The following MRPL13 variants were observed in gnomAD, a reference collection of about 807,000 sequenced individuals.
MRPL13 encodes large ribosomal subunit protein uL13m.
Under a neutral mutation model 29.0 loss-of-function variants are expected in MRPL13, and 33 were observed. The observed-to-expected ratio is 1.14, with a 90% CI of 0.86 to 1.52. MRPL13 has a LOEUF of 1.52. Ranked by LOEUF, MRPL13 falls within the 40% of genes most tolerant of loss-of-function variation. The pLI is 0.00. For missense variants in MRPL13, 227 were observed against 216.7 expected (o/e 1.05, Z -0.30); for synonymous variants, 77 against 68.4 (o/e 1.13, Z -0.62).
chr8:120,410,336 T>A (rs1812726149), intron 6 of MRPL13, among the ~76,000 whole-genome samples: 1 of 152,184 alleles, frequency 6.6e-6, no homozygotes, highest in Non-Finnish European at 1.5e-5. Flanking sequence ...AAAATTATAT[T>A]CTTGGCTTAG....
intron 2 of MRPL13, among the ~76,000 whole-genome samples, chr8:120,436,215 C>A (rs912680447): frequency 6.6e-6 from 1 of 152,094 alleles, no homozygotes; most frequent in African/African-American, 2.4e-5. Context: ...AACTGCTGTG[C>A]TATACAGTAA....
chr8:120,413,555 C>G (rs542517663), intron 6 of MRPL13, among the ~76,000 whole-genome samples: 1 of 152,210 alleles, frequency 6.6e-6, no homozygotes, highest in South Asian at 2.1e-4. Context: ...GGAAACTGTA[C>G]AGAGGAGAGC....
chr8:120,433,947 T>C (rs144339088), intron 2 of MRPL13, among the ~76,000 whole-genome samples: 8 of 152,238 alleles, frequency 5.3e-5, no homozygotes, highest in Admixed American at 5.2e-4. Context: ...AGAGATGTTC[T>C]GAAGAGAAAT....
chr8:120,419,770 C>T, intron 5 of MRPL13, 82 bp downstream of exon 5: 1 of 1,038,002 alleles, frequency 9.6e-7, no homozygotes, highest in Non-Finnish European at 1.3e-6. Flanking sequence ...GAAAATAAGT[C>T]TGTGGCATTT....
rs914125151 is a variant in MRPL13, at chr8:120,396,050, C to T, written c.*54G>A. Reference sequence around the variant, plus strand: ...CTCCATCCTGTAGGTTAGAGAAACTCATCAGAAGAAAGTTTCAATCACTTC... The same window carrying T: ...CTCCATCCTGTAGGTTAGAGAAACTTATCAGAAGAAAGTTTCAATCACTTC... On this transcript the variant is annotated 3_prime_UTR_variant, in exon 7 of 7. Coordinates refer to ENST00000306185, the MANE Select transcript of MRPL13 (RefSeq NM_014078.6). 19 of 1,459,346 alleles carry T rather than the reference C, an allele frequency of 1.3e-5. No homozygotes were observed. Among genetic ancestry groups the T allele is most frequent in the Non-Finnish European group, 1.7e-5 (18 of 1,056,764 alleles). 90.4% of individuals were successfully genotyped at this position (1,459,346 alleles called of 1,614,324 possible).
At chr8:120,427,802 G>GA (rs971370781) in intron 3 of MRPL13, among the ~76,000 whole-genome samples, 2 of 150,872 alleles carry the variant, frequency 1.3e-5, no homozygotes, top group Non-Finnish European at 3.0e-5. Context: ...CATCTCAAAA[G>GA]AAAAAAAACT....
intron 6 of MRPL13, among the ~76,000 whole-genome samples, chr8:120,413,527 T>TTTACGG (rs1227525882): frequency 2.6e-5 from 4 of 152,216 alleles, no homozygotes; most frequent in African/African-American, 9.6e-5. Flanking sequence ...TCTTAGCAGC[T>TTTACGG]TTACGGCCTT....
In MRPL13 at chr8:120,399,644, A is replaced by AT. The variant is rs781329140; in HGVS notation, c.516-3520dup. On this transcript the variant is annotated intron_variant, in intron 6 of 6. Coordinates refer to ENST00000306185, the MANE Select transcript of MRPL13 (RefSeq NM_014078.6). ...CAGGATCAAATTCATACATAACAATATTAACCTTAAATGTAAATAGGCTAA... is the reference window on the plus strand; with the variant it reads ...CAGGATCAAATTCATACATAACAATATTTAACCTTAAATGTAAATAGGCTAA... Among the ~76,000 whole-genome samples, 54 of 152,206 alleles carry AT rather than the reference A, an allele frequency of 3.5e-4. 1 individual carries two copies. Among genetic ancestry groups the AT allele is most frequent in the Admixed American group, 2.2e-3 (34 of 15,284 alleles).
At chr8:120,427,833 G>C (rs1812948136) in intron 3 of MRPL13, among the ~76,000 whole-genome samples, 1 of 151,846 alleles carries the variant, frequency 6.6e-6, no homozygotes, top group Non-Finnish European at 1.5e-5. Context: ...AAAGCAATCA[G>C]AGATGACACA....
intron 4 of MRPL13, among the ~76,000 whole-genome samples, chr8:120,423,863 T>G (rs1812901476): frequency 6.6e-6 from 1 of 152,134 alleles, no homozygotes; most frequent in African/African-American, 2.4e-5. Context: ...AATGTTCAAT[T>G]GGAAGAGTTT....
chr8:120,431,093 A>ATG (rs1563776307), intron 3 of MRPL13, among the ~76,000 whole-genome samples: 1 of 152,178 alleles, frequency 6.6e-6, no homozygotes, highest in African/African-American at 2.4e-5. Context: ...AAGGGGAGGA[A>ATG]TGGGCAAAGG....
chr8:120,442,903 G>A (rs1813140175), intron 2 of MRPL13, among the ~76,000 whole-genome samples: 1 of 152,010 alleles, frequency 6.6e-6, no homozygotes, highest in South Asian at 2.1e-4. Context: ...TTAAGTCATG[G>A]GGCAAATCAG....
intron 6 of MRPL13, among the ~76,000 whole-genome samples, chr8:120,401,296 T>C (rs1018717301): frequency 6.6e-6 from 1 of 152,168 alleles, no homozygotes; most frequent in Non-Finnish European, 1.5e-5. Context: ...TCAAAAAGCT[T>C]ATCCACCACA....
At chr8:120,436,198 G>T (rs1813052443) in intron 2 of MRPL13, among the ~76,000 whole-genome samples, 1 of 152,072 alleles carries the variant, frequency 6.6e-6, no homozygotes, top group South Asian at 2.1e-4. Context: ...ATGTCCAAGA[G>T]AAATGAAACT....
intron 5 of MRPL13, among the ~76,000 whole-genome samples, chr8:120,417,755 T>A (rs1303285119): frequency 1.3e-5 from 2 of 152,124 alleles, no homozygotes; most frequent in Non-Finnish European, 2.9e-5. Flanking sequence ...TTATAAATCA[T>A]GCAGAAATAA....
chr8:120,435,579 T>C (rs1189308122), intron 2 of MRPL13, among the ~76,000 whole-genome samples: 1 of 152,216 alleles, frequency 6.6e-6, no homozygotes, highest in African/African-American at 2.4e-5. Context: ...GGTGTATATG[T>C]ACCACATTTT....
chr8:120,422,585 T>C (rs886093139), intron 4 of MRPL13, among the ~76,000 whole-genome samples: 1 of 146,094 alleles, frequency 6.8e-6, no homozygotes, highest in Non-Finnish European at 1.5e-5. Flanking sequence ...AACATATATA[T>C]AAACATATAT....
rs181604576 is a variant in MRPL13, at chr8:120,400,784, G to A, written c.516-4659C>T. Among the ~76,000 whole-genome samples, 611 of 151,608 alleles carry A rather than the reference G, an allele frequency of 4.0e-3. 4 individuals carry two copies. The highest frequency in any genetic ancestry group is 0.014 in the African/African-American group (584 of 41,416). ...AGTTAGACTAATAAAGGAGAAGAGAGAGGAGAATCAGACACAATCAGAAAT... is the reference window on the plus strand; with the variant it reads ...AGTTAGACTAATAAAGGAGAAGAGAAAGGAGAATCAGACACAATCAGAAAT... On this transcript the variant is annotated intron_variant, in intron 6 of 6. Transcript: ENST00000306185.
At chr8:120,400,450 C>T (rs1017169001) in intron 6 of MRPL13, among the ~76,000 whole-genome samples, 2 of 152,002 alleles carry the variant, frequency 1.3e-5, no homozygotes, top group Non-Finnish European at 2.9e-5. Context: ...GACAACATAT[C>T]AGAATCTCTG....
Sources: gnomAD v4.1 joint callset for allele counts (sites outside exome capture counted in the v4.1 genomes callset) on GRCh38, gnomAD v4.1.1 for gene constraint, MANE v1.5 for transcripts, NCBI Gene and HGNC (gene_info 2026-07-23, HGNC 2026-07-21) for gene names.